NBAS: variants seen among roughly 807,000 people sequenced by gnomAD.
The protein encoded by NBAS is NAG/BC035112 fusion.
Under a neutral mutation model 302.5 loss-of-function variants are expected in NBAS, and 219 were observed. The observed-to-expected ratio is 0.72, with a 90% CI of 0.65 to 0.81. The LOEUF (loss-of-function observed/expected upper bound fraction) is 0.81, where lower values mean the gene tolerates loss of function less well. NBAS is among the 30% of genes least tolerant of loss of function. The pLI is 0.00. For synonymous variants in NBAS, 1,118 were observed against 1,021.6 expected, an observed-to-expected ratio of 1.09 and a Z score of -1.80; for missense variants, 2,932 against 2,841.6, an observed-to-expected ratio of 1.03 and a Z score of -0.72.
At chr2:15,070,084 G>T in the NBAS span, among the ~76,000 whole-genome samples, 1 of 152,140 alleles carries the variant, frequency 6.6e-6, no homozygotes, top group Non-Finnish European at 1.5e-5. Context: ...AGTGGAGCTC[G>T]ACTGTCTCCT....
At chr2:14,901,557 G>A in the NBAS span, among the ~76,000 whole-genome samples, 3 of 151,946 alleles carry the variant, frequency 2.0e-5, no homozygotes, top group Non-Finnish European at 2.9e-5. Flanking sequence ...TCTAATAAAT[G>A]ACGAGGAAAA....
the NBAS span, among the ~76,000 whole-genome samples, chr2:14,790,704 T>G: frequency 6.8e-6 from 1 of 147,974 alleles, no homozygotes; most frequent in Non-Finnish European, 1.5e-5. Flanking sequence ...CAGGCTGGAG[T>G]GCAACGGTGC....
the NBAS span, among the ~76,000 whole-genome samples, chr2:14,924,360 G>T: frequency 6.6e-6 from 1 of 152,208 alleles, no homozygotes; most frequent in Non-Finnish European, 1.5e-5. Context: ...AGAATAAATC[G>T]CTAGGAAGAA....
At chr2:14,942,898 T>C in the NBAS span, among the ~76,000 whole-genome samples, 1 of 152,188 alleles carries the variant, frequency 6.6e-6, no homozygotes, top group Admixed American at 6.5e-5. Flanking sequence ...AGCCCCATAA[T>C]AAAAGGCAAG....
chr2:15,230,393 CAAAAAAAA>C (rs35319491), intron 47 of NBAS, among the ~76,000 whole-genome samples: 15 of 90,526 alleles, frequency 1.7e-4, no homozygotes, highest in African/African-American at 5.4e-4. Flanking sequence ...ATTTTTTAGG[CAAAAAAAA>C]AAAAAAAAAA....
chr2:15,437,261 T>A (rs1194502724), intron 21 of NBAS, among the ~76,000 whole-genome samples: 1 of 152,072 alleles, frequency 6.6e-6, no homozygotes, highest in Non-Finnish European at 1.5e-5. Flanking sequence ...AGCAGAAGGA[T>A]CACTCGTGCC....
At chr2:14,801,340 G>A in the NBAS span, among the ~76,000 whole-genome samples, 1 of 151,978 alleles carries the variant, frequency 6.6e-6, no homozygotes, top group East Asian at 1.9e-4. Context: ...TTGCTCCATA[G>A]CTCTGTTCAT....
At chr2:15,522,169 T>C (rs1463224061) in intron 9 of NBAS, among the ~76,000 whole-genome samples, 2 of 152,188 alleles carry the variant, frequency 1.3e-5, no homozygotes, top group African/African-American at 4.8e-5. Context: ...CCTGTAATTC[T>C]TTCTGACAAC....
intron 21 of NBAS, among the ~76,000 whole-genome samples, chr2:15,452,232 T>TA (rs1200961621): frequency 1.3e-5 from 2 of 152,178 alleles, no homozygotes; most frequent in African/African-American, 4.8e-5. Flanking sequence ...CACTTAAAAA[T>TA]AGTTAAGATG....
At chr2:14,781,756 A>AAAAC in the NBAS span, among the ~76,000 whole-genome samples, 1 of 151,798 alleles carries the variant, frequency 6.6e-6, no homozygotes, top group Non-Finnish European at 1.5e-5. Context: ...CAAAAAAAAA[A>AAAAC]AAAACTGGCA....
chr2:14,807,373 C>T, the NBAS span, among the ~76,000 whole-genome samples: 364 of 152,064 alleles, frequency 2.4e-3, no homozygotes, highest in African/African-American at 8.0e-3. Context: ...TTCCAGATAC[C>T]TCCAACAAAA....
chr2:15,097,430 T>C, the NBAS span, among the ~76,000 whole-genome samples: 4 of 152,168 alleles, frequency 2.6e-5, no homozygotes, highest in Non-Finnish European at 5.9e-5. Context: ...GAACTTCTTC[T>C]GTAAAGGGCA....
chr2:14,815,132 A>G, the NBAS span, among the ~76,000 whole-genome samples: 1 of 152,146 alleles, frequency 6.6e-6, no homozygotes, highest in Non-Finnish European at 1.5e-5. Context: ...TTTTTTCTTC[A>G]TAAATTACCA....
At chr2:15,449,213 TA>T (rs1318956516) in intron 21 of NBAS, among the ~76,000 whole-genome samples, 4 of 152,180 alleles carry the variant, frequency 2.6e-5, no homozygotes, top group Non-Finnish European at 5.9e-5. Flanking sequence ...ACATTCACAC[TA>T]AAACAGTAAT....
chr2:14,889,113 C>A, the NBAS span, among the ~76,000 whole-genome samples: 1 of 152,212 alleles, frequency 6.6e-6, no homozygotes, highest in Admixed American at 6.5e-5. Context: ...AATAGAGACA[C>A]ATTTGCCACT....
the NBAS span, among the ~76,000 whole-genome samples, chr2:14,862,142 A>AT: frequency 0.012 from 1,754 of 144,858 alleles, 14 homozygotes; most frequent in East Asian, 0.035. Flanking sequence ...TTATTTAAGC[A>AT]TTTTTTTTTT....
intron 9 of NBAS, among the ~76,000 whole-genome samples, chr2:15,519,124 G>T (rs538580390): frequency 6.6e-6 from 1 of 152,280 alleles, no homozygotes; most frequent in South Asian, 2.1e-4. Context: ...TTGCTAAAAA[G>T]AAACTATATA....
intron 19 of NBAS, among the ~76,000 whole-genome samples, chr2:15,464,193 A>T (rs1679628612): frequency 6.6e-6 from 1 of 152,198 alleles, no homozygotes; most frequent in African/African-American, 2.4e-5. Context: ...GCTGTTCATC[A>T]ACGCTACTAC....
the NBAS span, among the ~76,000 whole-genome samples, chr2:14,793,062 C>G: frequency 7.5e-6 from 1 of 132,836 alleles, no homozygotes; most frequent in Non-Finnish European, 1.6e-5. Flanking sequence ...CTTTCTCTGT[C>G]TCTGTTTCTC....
Sources: gnomAD v4.1 joint callset for allele counts (sites outside exome capture counted in the v4.1 genomes callset) on GRCh38, gnomAD v4.1.1 for gene constraint, MANE v1.5 for transcripts, NCBI Gene and HGNC (gene_info 2026-07-23, HGNC 2026-07-21) for gene names.